Variants in KIAA1586 observed in about 807,000 individuals in gnomAD.
KIAA1586 encodes the protein KIAA1586, also known as E3 SUMO-protein ligase KIAA1586.
KIAA1586 carries 5 observed loss-of-function variants against 6.1 expected under a neutral mutation model. That is an observed-to-expected ratio of 0.82 (90% confidence interval 0.43 to 1.73). The LOEUF is 1.73. Among genes scored for constraint, KIAA1586 ranks in the 40% most tolerant of loss-of-function variants. The probability of loss-of-function intolerance (pLI) is 0.02; values close to 1 mark genes in which losing one functional copy is unlikely to be tolerated. For missense variants in KIAA1586, 899 were observed against 878.2 expected, an observed-to-expected ratio of 1.02 and a Z score of -0.30; for synonymous variants, 280 against 301.7, an observed-to-expected ratio of 0.93 and a Z score of 0.75.
At chr6:57,060,553 T>A in the KIAA1586 span, among the ~76,000 whole-genome samples, 1 of 152,184 alleles carries the variant, frequency 6.6e-6, no homozygotes, top group Non-Finnish European at 1.5e-5. Context: ...AAGCTTTTAC[T>A]GGCTCCCCAC....
intron 2 of KIAA1586, among the ~76,000 whole-genome samples, chr6:57,048,764 G>A (rs1006261154): frequency 2.0e-4 from 31 of 152,118 alleles, no homozygotes; most frequent in Non-Finnish European, 1.6e-4. Context: ...AGTGACACAC[G>A]TCTGATTGAT....
chr6:57,053,233 C>G lies in KIAA1586; in HGVS notation c.734C>G (p.Ala245Gly). 1 of 1,597,844 alleles carries G rather than the reference C, an allele frequency of 6.3e-7. No individual in the cohort carries two copies. The highest frequency in any genetic ancestry group is 8.5e-7 in the Non-Finnish European group (1 of 1,173,820). ...VHKQNNKNIDATVKVFNTVYS... is the reference protein window; with the variant it reads ...VHKQNNKNIDGTVKVFNTVYS... ...AAACAAAATAATAAAAATATTGATG[C>G]TACTGTAAAAGTTTTCAATACTGTT... The change falls in exon 4 of 4, where the codon GCT becomes GGT. Residue 245 changes from alanine to glycine, a missense_variant. By Grantham distance (60) the Ala-to-Gly change is moderately conservative. Transcript: ENST00000370733.
Position 57,054,863 on chromosome 6 carries a change from G to T in KIAA1586, c.2364G>T (p.Ter788TyrextTer10), listed in dbSNP as rs1315937915. The stretch of plus-strand genomic sequence containing the variant: ...AATTGGCTATATGGAACTTAAAATA[G>T]AATATTGTATACGTTTTTTGTCATC... ...ENQLAIWNLK[*>Y] Residue 788 changes from the stop codon to tyrosine (Y), a stop_lost, in exon 4 of 4, where the codon TAG becomes TAT. Transcript: ENST00000370733. 2 of 1,541,736 alleles carry T rather than the reference G, an allele frequency of 1.3e-6. No homozygotes were observed. The highest frequency in any genetic ancestry group is 1.8e-6 in the Non-Finnish European group (2 of 1,141,470).
chr6:57,054,239 T>C lies in KIAA1586; in HGVS notation c.1740T>C (p.Asp580=). Residue 580 remains aspartate, a synonymous_variant, in exon 4 of 4, where the codon GAT becomes GAC. Coordinates refer to ENST00000370733, the MANE Select transcript of KIAA1586 (RefSeq NM_020931.4). Reference sequence around the variant, plus strand: ...GAAAGTATGAATCTCAAATTGAAGATTTGATCAAGTCAGATAAGTTTAAAG... The same window carrying C: ...GAAAGTATGAATCTCAAATTGAAGACTTGATCAAGTCAGATAAGTTTAAAG... ...GTGKYESQIE[D]LIKSDKFKDI... is the part of the protein sequence containing the mutation. 1.9e-6 allele frequency: 3 copies of C among 1,595,872 alleles called. No individual in the cohort carries two copies. The highest frequency in any genetic ancestry group is 2.6e-6 in the Non-Finnish European group (3 of 1,173,586).
At chr6:57,052,605 TAG>T in intron 3 of KIAA1586, 79 bp from the exon 4 acceptor site, 1 of 1,087,672 alleles carries the variant, frequency 9.2e-7, no homozygotes, top group Non-Finnish European at 1.3e-6. Context: ...TTTCCAAAAT[TAG>T]ATAATCACTA....
At chr6:57,065,744 C>A in the KIAA1586 span, among the ~76,000 whole-genome samples, 1 of 152,042 alleles carries the variant, frequency 6.6e-6, no homozygotes, top group Non-Finnish European at 1.5e-5. Flanking sequence ...ACACAATGGA[C>A]CCTTTCGAAC....
intron 2 of KIAA1586, among the ~76,000 whole-genome samples, chr6:57,048,082 G>C (rs796312614): frequency 6.7e-6 from 1 of 149,758 alleles, no homozygotes; most frequent in East Asian, 1.9e-4. Flanking sequence ...GCACACTTTG[G>C]ACAGAATGGG....
At chr6:57,060,492 G>A in the KIAA1586 span, among the ~76,000 whole-genome samples, 14 of 152,240 alleles carry the variant, frequency 9.2e-5, no homozygotes, top group South Asian at 2.9e-3. Flanking sequence ...ATTGGGAATG[G>A]GTGGTTGGTT....
chr6:57,049,042 A>G (rs1828255485), intron 2 of KIAA1586, among the ~76,000 whole-genome samples: 1 of 151,774 alleles, frequency 6.6e-6, no homozygotes. Flanking sequence ...AATATTTTGT[A>G]TATCCAGCGT....
Position 57,054,797 on chromosome 6 carries a change from A to G in KIAA1586, c.2298A>G (p.Thr766=). 1 of 1,551,364 alleles carries G rather than the reference A, an allele frequency of 6.4e-7. No homozygotes were observed. The highest frequency in any genetic ancestry group is 2.0e-5 in the Admixed American group (1 of 51,000). ...GCAACCACAGGTTGGCTACAGATAC[A>G]AGAGTTCGGCAAAAGTCAACAAAAG... ...SNCNHRLATD[T]RVRQKSTKVF... Residue 766 remains threonine (T), a synonymous_variant, in exon 4 of 4, where the codon ACA becomes ACG. Coordinates refer to ENST00000370733, the MANE Select transcript of KIAA1586 (RefSeq NM_020931.4).
At chr6:57,062,124 T>G in the KIAA1586 span, among the ~76,000 whole-genome samples, 1 of 151,718 alleles carries the variant, frequency 6.6e-6, no homozygotes, top group Non-Finnish European at 1.5e-5. Context: ...AGAGACAGGT[T>G]TTCACCATGT....
rs747949185 is a variant in KIAA1586, at chr6:57,054,417, C to G, written c.1918C>G (p.Pro640Ala). 31 of 1,609,216 alleles carry G rather than the reference C, an allele frequency of 1.9e-5. No individual in the cohort carries two copies. Among genetic ancestry groups the G allele is most frequent in the Non-Finnish European group, 1.7e-6 (2 of 1,177,776 alleles). Residue 640 changes from proline (P) to alanine (A), a missense_variant, in exon 4 of 4, where the codon CCT becomes GCT. Transcript: ENST00000370733. ...TGATTTGCTGGAACCTTCCACATGG[C>G]CTTATGAAGAAATAACTTCACCATG... ...YFDLLEPSTW[P>A]YEEITSPWIA...
At chr6:57,058,914 C>T (rs564797148), downstream of KIAA1586, among the ~76,000 whole-genome samples, 5 of 152,298 alleles carry the variant, frequency 3.3e-5, no homozygotes, top group Admixed American at 3.3e-4. Context: ...ATTTACCTAA[C>T]TTAGGCAAAT....
chr6:57,052,101 A>G (rs1334277915), intron 3 of KIAA1586, among the ~76,000 whole-genome samples: 1 of 152,196 alleles, frequency 6.6e-6, no homozygotes, highest in Non-Finnish European at 1.5e-5. Flanking sequence ...GTAATTGAAA[A>G]TATTATCCAC....
downstream of KIAA1586, among the ~76,000 whole-genome samples, chr6:57,059,264 G>A (rs1828534707): frequency 6.7e-6 from 1 of 149,328 alleles, no homozygotes; most frequent in African/African-American, 2.5e-5. Flanking sequence ...GATATATTGG[G>A]TTAAATAAAA....
chr6:57,053,437 A>G lies in KIAA1586; in HGVS notation c.938A>G (p.Lys313Arg), dbSNP rs777743217. The G allele has an allele frequency of 2.5e-6, 4 of 1,610,334 alleles. No homozygotes were observed. Among genetic ancestry groups the G allele is most frequent in the Non-Finnish European group, 8.5e-7 (1 of 1,178,278 alleles). The change falls in exon 4 of 4, where the codon AAA becomes AGA. Residue 313 changes from lysine to arginine, a missense_variant. Lys to Arg is a conservative substitution (Grantham distance 26). Transcript: ENST00000370733. ...IFKNIIEENA[K>R]ICIIIDEAST... ...AAGAATATTATAGAAGAGAATGCCA[A>G]AATCTGTATCATAATTGATGAGGCA...
chr6:57,046,711 A>G lies in KIAA1586; in HGVS notation c.-45A>G. On this transcript the variant is annotated 5_prime_UTR_variant, in exon 1 of 4. Coordinates refer to ENST00000370733, the MANE Select transcript of KIAA1586 (RefSeq NM_020931.4). ...GGGGAGTGGTGGCGGCTGCGGCAGT[A>G]GGGACAGCAGGAGCAGTGGTGCTGT... The G allele has an allele frequency of 1.2e-6, 2 of 1,610,650 alleles. No homozygotes were observed. The highest frequency in any genetic ancestry group is 1.7e-6 in the Non-Finnish European group (2 of 1,178,706).
At chr6:57,048,313 G>GT (rs1828235747) in intron 2 of KIAA1586, among the ~76,000 whole-genome samples, 1 of 152,080 alleles carries the variant, frequency 6.6e-6, no homozygotes, top group Non-Finnish European at 1.5e-5. Flanking sequence ...ATGTTTCTGT[G>GT]TTTTTTAGTT....
At chr6:57,062,820 G>A in the KIAA1586 span, among the ~76,000 whole-genome samples, 52 of 152,310 alleles carry the variant, frequency 3.4e-4, no homozygotes, top group Non-Finnish European at 1.0e-4. Context: ...GGAGGCCGAG[G>A]TGGGCGGATT....
Sources: gnomAD v4.1 joint callset for allele counts (sites outside exome capture counted in the v4.1 genomes callset) on GRCh38, gnomAD v4.1.1 for gene constraint, MANE v1.5 for transcripts, NCBI Gene and HGNC (gene_info 2026-07-23, HGNC 2026-07-21) for gene names.